MAP3K4: variants seen among roughly 807,000 people sequenced by gnomAD.
MAP3K4 encodes the protein mitogen-activated protein kinase kinase kinase 4.
MAP3K4 carries 67 observed loss-of-function variants against 185.6 expected under a neutral mutation model. The ratio of observed to expected loss-of-function variants is 0.36; its 90% confidence interval spans 0.30 to 0.44. MAP3K4 has a LOEUF of 0.44. Among genes scored for constraint, MAP3K4 ranks in the 20% least tolerant of loss-of-function variants. The pLI is 1.00. For missense variants in MAP3K4, 1,551 were observed against 1,995.1 expected, an observed-to-expected ratio of 0.78 and a Z score of 4.24; for synonymous variants, 702 against 710.4, an observed-to-expected ratio of 0.99 and a Z score of 0.19.
rs1280109359 is a variant in MAP3K4, at chr6:161,071,256, T to G, written c.1950+406T>G. Among the ~76,000 whole-genome samples, 1 of 152,138 alleles carries G rather than the reference T, an allele frequency of 6.6e-6. No homozygotes were observed. Among genetic ancestry groups the G allele is most frequent in the Non-Finnish European group, 1.5e-5 (1 of 68,028 alleles). On this transcript the variant is annotated intron_variant, in intron 4 of 26. Coordinates refer to ENST00000392142, the MANE Select transcript of MAP3K4 (RefSeq NM_005922.4). This position sits in a 1 kb window ranked among gnomAD's most constrained non-coding sequence, Gnocchi z 4.6. ...GACTTTCTGCTTGCTTAAGCAGTGG[T>G]ATGGTTTAAACAGTAGTGACAGCTT... is the stretch of plus-strand genomic sequence containing the variant.
chr6:161,114,813 C>T lies in MAP3K4; in HGVS notation c.4627-310C>T, dbSNP rs2114926868. Among the ~76,000 whole-genome samples, 1 of 152,114 alleles carries T rather than the reference C, an allele frequency of 6.6e-6. No individual in the cohort carries two copies. The highest frequency in any genetic ancestry group is 1.9e-4 in the East Asian group (1 of 5,174). On this transcript the variant is annotated intron_variant, in intron 25 of 26. Coordinates refer to ENST00000392142, the MANE Select transcript of MAP3K4 (RefSeq NM_005922.4). The surrounding 1 kb of genome is among the most constrained non-coding windows in gnomAD (Gnocchi z 4.3). ...ATGATGGCTTCTAGATACTGTTGGACTAAATAGTGCACCCCAAATGGAGTA... is the reference window on the plus strand; with the variant it reads ...ATGATGGCTTCTAGATACTGTTGGATTAAATAGTGCACCCCAAATGGAGTA...
rs779435321 is a variant in MAP3K4 at position 161,034,390 on chromosome 6, T to C, written c.284T>C (p.Met95Thr). Residue 95 changes from methionine (M) to threonine (T), a missense_variant, in exon 2 of 27, where the codon ATG (methionine) becomes ACG (threonine). Around this residue, in one of 16 missense-constraint regions of MAP3K4, gnomAD observed 287 missense variants for 268.8 expected, o/e 1.07. Coordinates refer to ENST00000392142, the MANE Select transcript of MAP3K4 (RefSeq NM_005922.4). The surrounding 1 kb of genome is among the most constrained non-coding windows in gnomAD (Gnocchi z 4.4). ...AGCACACCTCGACAGATGAAACGCA[T>C]GTCAACCAAACATCAGAGGAATAAT... ...PPSTPRQMKR[M>T]STKHQRNNVG... 4 of 1,613,848 alleles carry C rather than the reference T, an allele frequency of 2.5e-6. No homozygotes were observed. The highest frequency in any genetic ancestry group is 1.3e-5 in the African/African-American group (1 of 74,922).
At chr6:160,997,882 C>A (rs189314193) in intron 1 of MAP3K4, among the ~76,000 whole-genome samples, 2 of 152,206 alleles carry the variant, frequency 1.3e-5, no homozygotes, top group African/African-American at 4.8e-5. Flanking sequence ...GAGAAACGCG[C>A]ATTTTACTGA....
chr6:161,042,454 CAG>C (rs1355839698), intron 2 of MAP3K4, among the ~76,000 whole-genome samples: 1 of 152,166 alleles, frequency 6.6e-6, no homozygotes, highest in African/African-American at 2.4e-5. Flanking sequence ...CGAGTGAACT[CAG>C]TGAACAGGCT....
intron 17 of MAP3K4, among the ~76,000 whole-genome samples, chr6:161,099,392 A>G (rs749794342): frequency 6.6e-6 from 1 of 152,256 alleles, no homozygotes; most frequent in Non-Finnish European, 1.5e-5. Context: ...ACTCATTAAA[A>G]TAATTAATAC....
chr6:161,018,029 T>C (rs958131434), intron 1 of MAP3K4, among the ~76,000 whole-genome samples: 1 of 152,212 alleles, frequency 6.6e-6, no homozygotes, highest in Admixed American at 6.5e-5. Flanking sequence ...CTGTACATGA[T>C]AGTAATCCCT....
At chr6:161,030,651 G>A (rs913713456) in intron 1 of MAP3K4, among the ~76,000 whole-genome samples, 5 of 152,152 alleles carry the variant, frequency 3.3e-5, no homozygotes, top group South Asian at 2.1e-4. Context: ...CTGAGCACAA[G>A]CAATTTGCCC....
chr6:160,996,980 G>A lies in MAP3K4; in HGVS notation c.152+4897G>A, dbSNP rs1189525465. ...GCAGTGTGATCCAGACTTACTCTTAGGTTTTTATTTTCTAGGCATCACACA... is the reference window on the plus strand; with the variant it reads ...GCAGTGTGATCCAGACTTACTCTTAAGTTTTTATTTTCTAGGCATCACACA... On this transcript the variant is annotated intron_variant, in intron 1 of 26. Transcript: ENST00000392142. This position sits in a 1 kb window ranked among gnomAD's most constrained non-coding sequence, Gnocchi z 4.5. 6.6e-6 allele frequency among the ~76,000 whole-genome samples: 1 copy of A among 152,052 alleles called. No individual in the cohort carries two copies. Among genetic ancestry groups the A allele is most frequent in the Non-Finnish European group, 1.5e-5 (1 of 67,984 alleles).
intron 7 of MAP3K4, among the ~76,000 whole-genome samples, chr6:161,085,638 T>C (rs1785673347): frequency 6.6e-6 from 1 of 152,200 alleles, no homozygotes. Flanking sequence ...AGAAAGAAGT[T>C]CCCACATGGT....
intron 1 of MAP3K4, among the ~76,000 whole-genome samples, chr6:161,018,741 C>G (rs1198325054): frequency 6.6e-6 from 1 of 151,992 alleles, no homozygotes; most frequent in South Asian, 2.1e-4. Flanking sequence ...TCAATAGTAA[C>G]AATCCTAGAA....
In MAP3K4 at chr6:161,109,015, T is replaced by C; in HGVS notation, c.4236+156T>C. 6.3e-7 allele frequency: 1 copy of C among 1,576,884 alleles called. No homozygotes were observed. Among genetic ancestry groups the C allele is most frequent in the Non-Finnish European group, 8.6e-7 (1 of 1,165,352 alleles). On this transcript the variant is annotated intron_variant, in intron 22 of 26. Transcript: ENST00000392142. This position sits in a 1 kb window ranked among gnomAD's most constrained non-coding sequence, Gnocchi z 5.7. ...AGTTACATCATTTCTGCCTTCTCTC[T>C]GAAACTAGAGGAGTTCCTCCTAAAA...
rs980246913 is a variant in MAP3K4, at chr6:161,082,022, A to G, written c.2255+984A>G. On this transcript the variant is annotated intron_variant, in intron 6 of 26. Coordinates refer to ENST00000392142, the MANE Select transcript of MAP3K4 (RefSeq NM_005922.4). This position sits in a 1 kb window ranked among gnomAD's most constrained non-coding sequence, Gnocchi z 4.2. ...GACTCTAGCTTTAGCTTTGTTCTTG[A>G]CTCTGCCGATTTCTCCTATGTTCAG... Among the ~76,000 whole-genome samples, 2 of 148,982 alleles carry G rather than the reference A, an allele frequency of 1.3e-5. No individual in the cohort carries two copies. The highest frequency in any genetic ancestry group is 3.0e-5 in the Non-Finnish European group (2 of 67,238).
rs1402199907 is a variant in MAP3K4 at position 161,056,730 on chromosome 6, A to G, written c.1707+6751A>G. ...TTATAGTCAAAACACTATTCTCCAA[A>G]GTAACTTAGGTCAGCACCTTTTTCC... On this transcript the variant is annotated intron_variant, in intron 3 of 26. Transcript: ENST00000392142. The surrounding 1 kb of genome is among the most constrained non-coding windows in gnomAD (Gnocchi z 5.4). Among the ~76,000 whole-genome samples the G allele has an allele frequency of 6.6e-6, 1 of 152,198 alleles. No homozygotes were observed. Among genetic ancestry groups the G allele is most frequent in the Non-Finnish European group, 1.5e-5 (1 of 68,036 alleles).
rs769596658 is a variant in MAP3K4, at chr6:161,073,651, GT to G, written c.2097+42del. 48 of 1,583,784 alleles carry G rather than the reference GT, an allele frequency of 3.0e-5. No individual in the cohort carries two copies. Among genetic ancestry groups the G allele is most frequent in the Non-Finnish European group, 4.0e-5 (47 of 1,165,726 alleles). On this transcript the variant is annotated intron_variant, in intron 5 of 26. Transcript: ENST00000392142. This position sits in a 1 kb window ranked among gnomAD's most constrained non-coding sequence, Gnocchi z 4.2. ...GGGAGGAATTTTTCTTTCTTTCTTT[GT>G]TTCTTTTTTTAAAAAAGTAAGCCTG...
At chr6:161,111,773 C>T in intron 23 of MAP3K4, 63 bp from the exon 24 acceptor site, 3 of 1,466,826 alleles carry the variant, frequency 2.0e-6, no homozygotes, top group Non-Finnish European at 2.8e-6. Context: ...GTTTAGATTA[C>T]CATGTAACCT....
Position 161,054,516 on chromosome 6 carries a change from G to A in MAP3K4, c.1707+4537G>A, listed in dbSNP as rs1358098588. On this transcript the variant is annotated intron_variant, in intron 3 of 26. Transcript: ENST00000392142. The surrounding 1 kb of genome is among the most constrained non-coding windows in gnomAD (Gnocchi z 4.2). ...AAAATATTTTAAAAGAACTGAACTA[G>A]CAATACTAAAAAAAAATCTGTTTGC... is the stretch of plus-strand genomic sequence containing the variant. Among the ~76,000 whole-genome samples, 4 of 151,980 alleles carry A rather than the reference G, an allele frequency of 2.6e-5. No individual in the cohort carries two copies. The highest frequency in any genetic ancestry group is 2.9e-5 in the Non-Finnish European group (2 of 68,010).
chr6:161,104,410 G>A (rs1285752002), intron 19 of MAP3K4, among the ~76,000 whole-genome samples: 19 of 97,662 alleles, frequency 1.9e-4, no homozygotes, highest in Non-Finnish European at 3.3e-4. Flanking sequence ...GCAAAACTCC[G>A]TTTCCAAAAA....
At position 161,116,383 on chromosome 6, in the gene MAP3K4, C is replaced by A. The variant is rs930953784; in HGVS notation, c.4807-467C>A. Among the ~76,000 whole-genome samples the A allele has an allele frequency of 6.6e-6, 1 of 151,742 alleles. No homozygotes were observed. The highest frequency in any genetic ancestry group is 1.5e-5 in the Non-Finnish European group (1 of 67,942). On this transcript the variant is annotated intron_variant, in intron 26 of 26. Transcript: ENST00000392142. This position sits in a 1 kb window ranked among gnomAD's most constrained non-coding sequence, Gnocchi z 6.2. ...TATTGCTGGGAGGGTCCACAGAGGA[C>A]AAGGGGATGAGAACAGAGCCCTGGA...
intron 7 of MAP3K4, among the ~76,000 whole-genome samples, chr6:161,085,852 T>G (rs1476867162): frequency 6.6e-6 from 1 of 152,192 alleles, no homozygotes; most frequent in African/African-American, 2.4e-5. Flanking sequence ...CTGGAGCTGC[T>G]TCTCCCGGCT....
Sources: allele counts gnomAD v4.1 joint callset (sites outside exome capture counted in the v4.1 genomes callset), GRCh38; gene constraint gnomAD v4.1.1; regional missense constraint gnomAD v4.1.1; non-coding constraint Gnocchi (gnomAD v3.1); transcripts MANE v1.5; gene names NCBI Gene and HGNC (gene_info 2026-07-23, HGNC 2026-07-21).